The following GNA14 variants were observed in gnomAD, a reference collection of about 807,000 sequenced individuals.
GNA14 encodes the protein G protein subunit alpha 14.
Under a neutral mutation model 42.0 loss-of-function variants are expected in GNA14, and 50 were observed. The ratio of observed to expected loss-of-function variants is 1.19; its 90% CI spans 0.95 to 1.51. The LOEUF (loss-of-function observed/expected upper bound fraction) is 1.51. GNA14 is among the 40% of genes most tolerant of loss of function. GNA14 has a pLI of 0.00. For synonymous variants in GNA14, 173 were observed against 163.1 expected, an observed-to-expected ratio of 1.06 and a Z score of -0.46; for missense variants, 473 against 446.2, an observed-to-expected ratio of 1.06 and a Z score of -0.54.
chr9:77,519,541 AG>A (rs2131758812), intron 2 of GNA14, among the ~76,000 whole-genome samples: 1 of 152,358 alleles, frequency 6.6e-6, no homozygotes, highest in African/African-American at 2.4e-5. Context: ...TTTTAAAAAA[AG>A]CTTTTAAACA....
intron 2 of GNA14, among the ~76,000 whole-genome samples, chr9:77,528,044 T>C (rs961891151): frequency 1.3e-5 from 2 of 152,202 alleles, no homozygotes; most frequent in South Asian, 2.1e-4. Context: ...ACATAGATTG[T>C]AGAGATGAGG....
intron 2 of GNA14, among the ~76,000 whole-genome samples, chr9:77,508,849 T>A (rs11788546): frequency 1.3e-5 from 2 of 152,158 alleles, no homozygotes; most frequent in South Asian, 4.1e-4. Context: ...AAGGGGCTCC[T>A]ATTGGCCAAT....
At chr9:77,522,180 C>T (rs1837367991) in intron 2 of GNA14, among the ~76,000 whole-genome samples, 1 of 152,214 alleles carries the variant, frequency 6.6e-6, no homozygotes, top group Non-Finnish European at 1.5e-5. Context: ...TTAATACAAT[C>T]TGCATCTCTG....
chr9:77,587,765 A>G (rs1328651452), intron 1 of GNA14, among the ~76,000 whole-genome samples: 1 of 152,228 alleles, frequency 6.6e-6, no homozygotes, highest in Non-Finnish European at 1.5e-5. Flanking sequence ...TTGCTTTAAA[A>G]TGGTTGCTTT....
rs778013639 is a variant in GNA14, at chr9:77,644,437, C to CCAAAAAAAAAAAAAAAA, written c.124+3232_124+3233insTTTTTTTTTTTTTTTTG. Among the ~76,000 whole-genome samples the CCAAAAAAAAAAAAAAAA allele has an allele frequency of 2.9e-3, 100 of 34,018 alleles. 6 individuals are homozygous for CCAAAAAAAAAAAAAAAA. Among genetic ancestry groups the CCAAAAAAAAAAAAAAAA allele is most frequent in the Middle Eastern group, 0.02 (1 of 50 alleles). The allele number at this position is 34,018 out of a possible 152,430, so 22.3% of individuals were successfully genotyped here. ...TACTGAACTCCAACCTAAAGAGTGTCAAAAAAAAAAAAAAAAAAAAAAAAA... is the reference window on the plus strand; with the variant it reads ...TACTGAACTCCAACCTAAAGAGTGTCCAAAAAAAAAAAAAAAAAAAAAAAAAAAAAAAAAAAAAAAAA... On this transcript the variant is annotated intron_variant, in intron 1 of 6. Transcript: ENST00000341700.
At chr9:77,564,704 G>C (rs879848539) in intron 1 of GNA14, among the ~76,000 whole-genome samples, 2 of 151,914 alleles carry the variant, frequency 1.3e-5, no homozygotes, top group Non-Finnish European at 2.9e-5. Context: ...ATGGTGGTGT[G>C]TGCCTGTAAT....
At chr9:77,513,287 G>T (rs1375172333) in intron 2 of GNA14, among the ~76,000 whole-genome samples, 3 of 152,222 alleles carry the variant, frequency 2.0e-5, no homozygotes, top group Non-Finnish European at 4.4e-5. Flanking sequence ...TAGCAGCTCT[G>T]CCTGGGACGT....
intron 1 of GNA14, among the ~76,000 whole-genome samples, chr9:77,536,571 G>A (rs10781446): frequency 0.1 from 15,208 of 152,156 alleles, 805 homozygotes; most frequent in Middle Eastern, 0.15. Flanking sequence ...GGCTGGTCTC[G>A]AACTTCTGGT....
At chr9:77,532,142 A>G (rs181712366) in intron 1 of GNA14, among the ~76,000 whole-genome samples, 1 of 152,282 alleles carries the variant, frequency 6.6e-6, no homozygotes, top group East Asian at 1.9e-4. Context: ...CAGAAGGGAA[A>G]TGGAAAATCA....
chr9:77,627,547 A>T (rs965553055), intron 1 of GNA14, among the ~76,000 whole-genome samples: 2 of 152,142 alleles, frequency 1.3e-5, no homozygotes, highest in African/African-American at 4.8e-5. Context: ...TATCCACCAC[A>T]ATCAAGTCAG....
intron 2 of GNA14, among the ~76,000 whole-genome samples, chr9:77,476,129 C>T (rs1484582333): frequency 6.6e-6 from 1 of 152,214 alleles, no homozygotes; most frequent in African/African-American, 2.4e-5. Context: ...TGGGTTTAAA[C>T]AGGGGAGGGA....
intron 6 of GNA14, among the ~76,000 whole-genome samples, chr9:77,424,946 G>A (rs536876038): frequency 6.6e-6 from 1 of 152,228 alleles, no homozygotes; most frequent in East Asian, 1.9e-4. Context: ...TAAGGTTTGA[G>A]ACCTCCTGTA....
intron 1 of GNA14, chr9:77,580,681 A>T: frequency 3.8e-6 from 1 of 265,936 alleles, no homozygotes; most frequent in Non-Finnish European, 8.1e-6. Flanking sequence ...TCTTCCCAAT[A>T]CTATTCGTAC....
chr9:77,519,614 CAG>C (rs562780425), intron 2 of GNA14, among the ~76,000 whole-genome samples: 94 of 152,078 alleles, frequency 6.2e-4, no homozygotes, highest in Admixed American at 2.4e-3. Flanking sequence ...CACATGGACA[CAG>C]AGTATGAAAT....
chr9:77,569,406 T>C (rs1190011897), intron 1 of GNA14, among the ~76,000 whole-genome samples: 1 of 152,124 alleles, frequency 6.6e-6, no homozygotes, highest in African/African-American at 2.4e-5. Flanking sequence ...CAGCTACTCC[T>C]CTCCAGTGCT....
intron 1 of GNA14, among the ~76,000 whole-genome samples, chr9:77,618,613 TA>T (rs1484000295): frequency 0.04 from 552 of 13,910 alleles, 19 homozygotes; most frequent in Non-Finnish European, 0.055. Flanking sequence ...TATATATATA[TA>T]TATATATTTT....
At chr9:77,520,373 G>C (rs143238127) in intron 2 of GNA14, among the ~76,000 whole-genome samples, 52 of 152,252 alleles carry the variant, frequency 3.4e-4, no homozygotes, top group African/African-American at 1.2e-3. Flanking sequence ...CACCTCTGTC[G>C]CCTTTTTATC....
At chr9:77,443,495 C>T (rs922807850) in intron 2 of GNA14, among the ~76,000 whole-genome samples, 2 of 152,214 alleles carry the variant, frequency 1.3e-5, no homozygotes, top group South Asian at 2.1e-4. Context: ...ATCTCCCACA[C>T]ACTCAGAATA....
At chr9:77,643,706 G>A (rs1195972346) in intron 1 of GNA14, among the ~76,000 whole-genome samples, 3 of 152,142 alleles carry the variant, frequency 2.0e-5, no homozygotes, top group Non-Finnish European at 4.4e-5. Flanking sequence ...GCAGGAAGAG[G>A]AATTTTAAAT....
Sources: allele counts gnomAD v4.1 joint callset (sites outside exome capture counted in the v4.1 genomes callset), GRCh38; gene constraint gnomAD v4.1.1; transcripts MANE v1.5; gene names NCBI Gene and HGNC (gene_info 2026-07-23, HGNC 2026-07-21).